Variants in RNF213 observed in about 807,000 individuals in gnomAD.
The protein encoded by RNF213 is E3 ubiquitin-protein ligase RNF213.
Under a neutral mutation model 514.4 loss-of-function variants are expected in RNF213, and 341 were observed. The ratio of observed to expected loss-of-function variants is 0.66; its 90% CI spans 0.61 to 0.73. RNF213 has a LOEUF of 0.73. Among genes scored for constraint, RNF213 ranks in the 30% least tolerant of loss-of-function variants. The pLI, the probability that RNF213 is intolerant of heterozygous loss-of-function variation, is 0.00. For missense variants in RNF213, 5,767 were observed against 6,615.6 expected (o/e 0.87, Z 4.45); for synonymous variants, 2,655 against 2,658.2 (o/e 1.00, Z 0.04).
rs771060238 is a variant in RNF213 at position 80,294,848 on chromosome 17, C to G, written c.1600C>G (p.Leu534Val). ...KGKQIAAALM[L>V]DSTFSILQTW... ...GAAGCAGATTGCCGCTGCGCTCATG[C>G]TGGACAGCACCTTCAGCATCCTGCA... The change falls in exon 9 of 68, where the codon CTG becomes GTG. Residue 534 changes from leucine (L) to valine (V), a missense_variant. Around this residue, in one of 13 missense-constraint regions of RNF213, gnomAD observed 592 missense variants for 673.9 expected, o/e 0.88. Transcript: ENST00000582970. The G allele has an allele frequency of 6.2e-7, 1 of 1,614,232 alleles. No homozygotes were observed. Among genetic ancestry groups the G allele is most frequent in the South Asian group, 1.1e-5 (1 of 91,082 alleles).
At chr17:80,283,762 T>C (rs2044378945) in intron 3 of RNF213, among the ~76,000 whole-genome samples, 1 of 152,156 alleles carries the variant, frequency 6.6e-6, no homozygotes, top group Non-Finnish European at 1.5e-5. Context: ...CTCCTCCTGT[T>C]CCGGGCTGTG....
intron 11 of RNF213, among the ~76,000 whole-genome samples, chr17:80,301,183 G>T (rs560189035): frequency 2.0e-5 from 3 of 152,180 alleles, no homozygotes; most frequent in South Asian, 2.1e-4. Flanking sequence ...TCTTGTGATT[G>T]CTTTTGGTAT....
chr17:80,353,715 T>C lies in RNF213; in HGVS notation c.10578+49T>C. On this transcript the variant is annotated intron_variant, in intron 34 of 67. Transcript: ENST00000582970. The surrounding 1 kb of genome is among the most constrained non-coding windows in gnomAD (Gnocchi z 5.0). ...CCCCTTGTGCTGCTGGTGATGCTTCTGAGCTGCATCTTTAAACGCTTTTGC... is the reference window on the plus strand; with the variant it reads ...CCCCTTGTGCTGCTGGTGATGCTTCCGAGCTGCATCTTTAAACGCTTTTGC... 1 of 1,611,956 alleles carries C rather than the reference T, an allele frequency of 6.2e-7. No homozygotes were observed. Among genetic ancestry groups the C allele is most frequent in the Non-Finnish European group, 8.5e-7 (1 of 1,178,052 alleles).
At chr17:80,261,026 C>T (rs2043397011) in intron 1 of RNF213, 124 bp downstream of exon 1, 1 of 151,810 alleles carries the variant, frequency 6.6e-6, no homozygotes, top group African/African-American at 2.4e-5. Flanking sequence ...CCGGCCGCCT[C>T]TTCCTGCCGG....
intron 11 of RNF213, among the ~76,000 whole-genome samples, chr17:80,299,759 A>C (rs531090635): frequency 6.6e-6 from 1 of 151,728 alleles, no homozygotes. Context: ...GTTCCCCTCT[A>C]TGTGTCCCTG....
At chr17:80,381,758 TCA>T in intron 57 of RNF213, 31 bp downstream of exon 57, 1 of 1,598,412 alleles carries the variant, frequency 6.3e-7, no homozygotes, top group Non-Finnish European at 8.5e-7. Flanking sequence ...TGGGCGGGGA[TCA>T]CACAGCACAA....
rs1055887767 is a variant in RNF213, at chr17:80,353,247, T to C, written c.10423+188T>C. 1.3e-5 allele frequency: 11 copies of C among 848,998 alleles called. No homozygotes were observed. In the African/African-American group the frequency reaches 1.7e-4, roughly 13 times the overall value. 52.6% of individuals were successfully genotyped at this position (848,998 alleles called of 1,614,324 possible). A position where few individuals can be genotyped will look rare whatever the true frequency, so the allele number is the denominator to read the frequency against. On this transcript the variant is annotated intron_variant, in intron 33 of 67. Coordinates refer to ENST00000582970, the MANE Select transcript of RNF213 (RefSeq NM_001256071.3). This position sits in a 1 kb window ranked among gnomAD's most constrained non-coding sequence, Gnocchi z 5.0. The stretch of plus-strand genomic sequence containing the variant: ...AGCACCAGGGCCGAGCAGGTGCGCT[T>C]ACCACAGGCTGAGGTAGAGCTCTGT...
At chr17:80,349,365 G>A (rs1204297749) in intron 29 of RNF213, among the ~76,000 whole-genome samples, 1 of 152,030 alleles carries the variant, frequency 6.6e-6, no homozygotes, top group Non-Finnish European at 1.5e-5. Context: ...CTTTGGGACA[G>A]GAGAATTGCT....
intron 38 of RNF213, 114 bp from the exon 39 acceptor site, chr17:80,361,620 G>A: frequency 8.2e-6 from 9 of 1,097,082 alleles, no homozygotes; most frequent in South Asian, 1.3e-5. Context: ...CTTTGTCTAC[G>A]AGCTCCCATT....
intron 51 of RNF213, 106 bp from the exon 52 acceptor site, chr17:80,376,195 C>T: frequency 7.3e-7 from 1 of 1,362,498 alleles, no homozygotes; most frequent in Non-Finnish European, 1.0e-6. Flanking sequence ...GTGATTTCTC[C>T]ATATTTACCT....
rs116875444 is a variant in RNF213 at position 80,317,457 on chromosome 17, C to T, written c.2901+180C>T. ...ATAGTCTGTCCCTAGAAGAGCGCTT[C>T]GGAGTCTTACTGAGAGGACAGAGAA... On this transcript the variant is annotated intron_variant, in intron 16 of 67. Coordinates refer to ENST00000582970, the MANE Select transcript of RNF213 (RefSeq NM_001256071.3). The surrounding 1 kb of genome is among the most constrained non-coding windows in gnomAD (Gnocchi z 4.1). Among the ~76,000 whole-genome samples the T allele has an allele frequency of 3.0e-3, 459 of 152,218 alleles. 4 individuals are homozygous for T. The highest frequency in any genetic ancestry group is 5.3e-3 in the Admixed American group (81 of 15,284).
rs2079444990 is a variant in RNF213 at position 80,369,845 on chromosome 17, C to T, written c.12403C>T (p.Leu4135=). The change falls in exon 46 of 68, where the codon CTG becomes TTG. Residue 4135 remains leucine, a synonymous_variant. Transcript: ENST00000582970. ...DKTPVIRSVI[L]KLLLKYSFHD... The stretch of plus-strand genomic sequence containing the variant: ...GACTCCTGTCATCCGCTCAGTGATA[C>T]TGAAACTGCTTTTGAAGTACAGGTA... 11 of 1,612,062 alleles carry T rather than the reference C, an allele frequency of 6.8e-6. No homozygotes were observed. The highest frequency in any genetic ancestry group is 9.3e-6 in the Non-Finnish European group (11 of 1,178,206).
At chr17:80,388,752 G>C (rs960081544) in intron 64 of RNF213, 63 bp downstream of exon 64, 3 of 1,254,510 alleles carry the variant, frequency 2.4e-6, no homozygotes, top group Non-Finnish European at 3.5e-6. Flanking sequence ...GTTTCCCTCC[G>C]TGTTAGGCCT....
rs189765635 is a variant in RNF213 at position 80,336,085 on chromosome 17, A to G, written c.4310-76A>G. ...TGAAATATCCATTTCAGCTTCAGTA[A>G]GGATTACTGCCCAAGACCGAGTCTT... On this transcript the variant is annotated intron_variant, in intron 22 of 67. Transcript: ENST00000582970. The G allele has an allele frequency of 6.2e-5, 76 of 1,220,808 alleles. No individual in the cohort carries two copies. The East Asian group carries it at 1.3e-3, about 21-fold the overall frequency. The allele number at this position is 1,220,808 out of a possible 1,614,324, so 75.6% of individuals were successfully genotyped here. A position where few individuals can be genotyped will look rare whatever the true frequency, so the allele number is the denominator to read the frequency against.
chr17:80,296,475 G>A (rs576423779), intron 10 of RNF213, among the ~76,000 whole-genome samples: 61 of 152,246 alleles, frequency 4.0e-4, no homozygotes, highest in South Asian at 2.1e-3. Flanking sequence ...TGCCTGTGCC[G>A]TGTCTAGTTC....
At chr17:80,379,003 G>A (rs966511852) in intron 54 of RNF213, among the ~76,000 whole-genome samples, 4 of 152,070 alleles carry the variant, frequency 2.6e-5, no homozygotes, top group Admixed American at 1.3e-4. Context: ...TTGAAACCCC[G>A]TCTCTACAAA....
chr17:80,289,704 A>G lies in RNF213; in HGVS notation c.979A>G (p.Lys327Glu). 3 of 1,614,126 alleles carry G rather than the reference A, an allele frequency of 1.9e-6. No individual in the cohort carries two copies. Among genetic ancestry groups the G allele is most frequent in the Non-Finnish European group, 2.5e-6 (3 of 1,180,012 alleles). ...GGACGAGATGGCTGCTGCTGAAGAA[A>G]AAGTCGGTAAGAATGAACAAGGGGA... ...TKDEMAAAEE[K>E]VGKNEQGEPE... The change falls in exon 6 of 68, where the codon AAA becomes GAA. Residue 327 changes from lysine to glutamate, a missense_variant. Physicochemically the swap from Lys to Glu is moderately conservative, Grantham distance 56. Around this residue, in one of 13 missense-constraint regions of RNF213, gnomAD observed 509 missense variants for 496.7 expected, o/e 1.02. Transcript: ENST00000582970.
Position 80,288,181 on chromosome 17 carries a change from C to T in RNF213, c.628C>T (p.Pro210Ser), listed in dbSNP as rs763448668. The T allele has an allele frequency of 1.9e-6, 3 of 1,612,114 alleles. No individual in the cohort carries two copies. The highest frequency in any genetic ancestry group is 2.5e-6 in the Non-Finnish European group (3 of 1,178,996). The change falls in exon 4 of 68, where the codon CCC becomes TCC. Residue 210 changes from proline to serine, a missense_variant. Physicochemically the swap from Pro to Ser is moderately conservative, Grantham distance 74. This residue lies in a region of RNF213 where 509 missense variants were observed against 496.7 expected (regional missense o/e 1.02). Coordinates refer to ENST00000582970, the MANE Select transcript of RNF213 (RefSeq NM_001256071.3). The surrounding 1 kb of genome is among the most constrained non-coding windows in gnomAD (Gnocchi z 4.9). ...AGGGGAGGACCAGGACGCTTCCATC[C>T]CCTCTGGGGGCAGAGGCCTGTCCCA... The part of the protein sequence containing the change: ...TEGEDQDASI[P>S]SGGRGLSQEG...
chr17:80,336,098 A>G, intron 22 of RNF213, 63 bp from the exon 23 acceptor site: 6 of 1,372,940 alleles, frequency 4.4e-6, no homozygotes, highest in Non-Finnish European at 6.0e-6. Context: ...ATTACTGCCC[A>G]AGACCGAGTC....
Sources: allele counts gnomAD v4.1 joint callset (sites outside exome capture counted in the v4.1 genomes callset), GRCh38; gene constraint gnomAD v4.1.1; regional missense constraint gnomAD v4.1.1; non-coding constraint Gnocchi (gnomAD v3.1); transcripts MANE v1.5; gene names NCBI Gene and HGNC (gene_info 2026-07-23, HGNC 2026-07-21).